Variants in DGKB observed in about 807,000 individuals in gnomAD.
DGKB encodes 90 kDa diacylglycerol kinase.
Under a neutral mutation model 114.3 loss-of-function variants are expected in DGKB, and 67 were observed. The observed-to-expected ratio is 0.59, with a 90% CI of 0.48 to 0.72. The LOEUF is 0.72. Among genes scored for constraint, DGKB ranks in the 30% least tolerant of loss-of-function variants. The pLI is 0.00. For synonymous variants in DGKB, 398 were observed against 323.1 expected (o/e 1.23, Z -2.49); for missense variants, 907 against 975.2 (o/e 0.93, Z 0.93).
At chr7:14,507,469 A>G (rs1310957958) in intron 20 of DGKB, among the ~76,000 whole-genome samples, 1 of 152,178 alleles carries the variant, frequency 6.6e-6, no homozygotes, top group Non-Finnish European at 1.5e-5. Flanking sequence ...TGGAAAATAC[A>G]CATACTAGTT....
chr7:14,688,799 T>C (rs1418580993), intron 9 of DGKB, among the ~76,000 whole-genome samples: 1 of 151,554 alleles, frequency 6.6e-6, no homozygotes, highest in African/African-American at 2.4e-5. Flanking sequence ...CTAGTGATTC[T>C]AAAGTTTTAG....
At chr7:14,383,766 C>T (rs1231219007) in intron 21 of DGKB, among the ~76,000 whole-genome samples, 1 of 152,160 alleles carries the variant, frequency 6.6e-6, no homozygotes, top group African/African-American at 2.4e-5. Context: ...AGTTATGTGT[C>T]CACACAAAAT....
chr7:14,151,388 A>G (rs1266325497), intron 25 of DGKB, among the ~76,000 whole-genome samples: 1 of 151,918 alleles, frequency 6.6e-6, no homozygotes, highest in African/African-American at 2.4e-5. Flanking sequence ...TATCTATAAG[A>G]CTTAGCTTCT....
chr7:14,396,174 T>C (rs891774475), intron 21 of DGKB, among the ~76,000 whole-genome samples: 1 of 152,056 alleles, frequency 6.6e-6, no homozygotes, highest in Non-Finnish European at 1.5e-5. Context: ...ATATTAACTG[T>C]GAATAGATGC....
chr7:14,718,711 T>TC, intron 5 of DGKB, 26 bp from the exon 6 acceptor site: 5 of 1,556,998 alleles, frequency 3.2e-6, no homozygotes, highest in Non-Finnish European at 4.4e-6. Flanking sequence ...TCTTTATATT[T>TC]TGTTAATTAT....
intron 1 of DGKB, among the ~76,000 whole-genome samples, chr7:14,918,323 G>A (rs888530295): frequency 6.6e-6 from 1 of 152,124 alleles, no homozygotes; most frequent in Non-Finnish European, 1.5e-5. Context: ...CAGGAGACAT[G>A]TTTGTGTAAA....
intron 23 of DGKB, among the ~76,000 whole-genome samples, chr7:14,178,548 T>G (rs902534006): frequency 6.6e-6 from 1 of 152,108 alleles, no homozygotes; most frequent in Non-Finnish European, 1.5e-5. Context: ...AAATAAAATA[T>G]GAGGATATGC....
At chr7:14,232,556 A>C (rs964849671) in intron 23 of DGKB, among the ~76,000 whole-genome samples, 22 of 151,922 alleles carry the variant, frequency 1.4e-4, no homozygotes, top group African/African-American at 4.8e-4. Flanking sequence ...CAAGAGAATC[A>C]TAAGAGTGAA....
chr7:14,412,310 C>G (rs1273821489), intron 21 of DGKB, among the ~76,000 whole-genome samples: 1 of 152,134 alleles, frequency 6.6e-6, no homozygotes, highest in African/African-American at 2.4e-5. Flanking sequence ...AGAATAATCT[C>G]TAAAATAGAT....
intron 13 of DGKB, among the ~76,000 whole-genome samples, chr7:14,658,349 T>A (rs2128917153): frequency 6.6e-6 from 1 of 152,106 alleles, no homozygotes; most frequent in East Asian, 1.9e-4. Flanking sequence ...CTCATTCATA[T>A]GTGGGAGTTA....
intron 1 of DGKB, among the ~76,000 whole-genome samples, chr7:14,896,095 A>G (rs1782055030): frequency 6.6e-6 from 1 of 151,714 alleles, no homozygotes; most frequent in African/African-American, 2.4e-5. Context: ...CTAGAAACTA[A>G]TAGGTTTCCT....
At chr7:14,522,476 T>C (rs912638661) in intron 20 of DGKB, among the ~76,000 whole-genome samples, 2 of 152,132 alleles carry the variant, frequency 1.3e-5, no homozygotes, top group Non-Finnish European at 2.9e-5. Context: ...ACTAACGAAA[T>C]TGCCACCCTT....
chr7:14,551,072 C>A (rs1180359962), intron 20 of DGKB, among the ~76,000 whole-genome samples: 1 of 151,784 alleles, frequency 6.6e-6, no homozygotes, highest in African/African-American at 2.4e-5. Context: ...TAACTATTTC[C>A]ACTAACTTGA....
chr7:14,250,713 T>C lies in DGKB; in HGVS notation c.2123-72562A>G, dbSNP rs1030974526. Among the ~76,000 whole-genome samples, 8 of 152,320 alleles carry C rather than the reference T, an allele frequency of 5.3e-5. No individual in the cohort carries two copies. In the East Asian group the frequency reaches 1.5e-3, roughly 29 times the overall value. The stretch of plus-strand genomic sequence containing the variant: ...TTTCCTTATTGATTTTCTGTCTGTG[T>C]GAAGATAATGGGGTATTGAAGTCCC... On this transcript the variant is annotated intron_variant, in intron 23 of 25. Coordinates refer to ENST00000402815, the MANE Select transcript of DGKB (RefSeq NM_001350709.2).
At chr7:14,491,746 T>A (rs1784626370) in intron 20 of DGKB, among the ~76,000 whole-genome samples, 1 of 152,142 alleles carries the variant, frequency 6.6e-6, no homozygotes, top group Non-Finnish European at 1.5e-5. Context: ...TGATTGATTC[T>A]TTTTAAATGA....
chr7:14,288,056 T>A (rs572161577), intron 23 of DGKB, among the ~76,000 whole-genome samples: 92 of 152,234 alleles, frequency 6.0e-4, no homozygotes, highest in African/African-American at 2.2e-3. Context: ...CTTCTTGAGA[T>A]GCTTATGGTT....
At chr7:14,889,992 A>G (rs1780934880) in intron 1 of DGKB, among the ~76,000 whole-genome samples, 1 of 151,620 alleles carries the variant, frequency 6.6e-6, no homozygotes. Context: ...GAGGAAAAGT[A>G]AAACATGTAT....
chr7:14,501,827 A>G (rs1722696346), intron 20 of DGKB, among the ~76,000 whole-genome samples: 2 of 151,912 alleles, frequency 1.3e-5, no homozygotes, highest in Non-Finnish European at 2.9e-5. Context: ...AAGATGAACT[A>G]TATTCAAGGA....
intron 1 of DGKB, among the ~76,000 whole-genome samples, chr7:14,939,250 A>C (rs553220555): frequency 1.9e-4 from 29 of 152,306 alleles, no homozygotes; most frequent in African/African-American, 6.5e-4. Context: ...ATAAGTTCAA[A>C]TTTTGATTTA....
Sources: gnomAD v4.1 joint callset for allele counts (sites outside exome capture counted in the v4.1 genomes callset) on GRCh38, gnomAD v4.1.1 for gene constraint, MANE v1.5 for transcripts, NCBI Gene and HGNC (gene_info 2026-07-23, HGNC 2026-07-21) for gene names.